Variants in PTBP3 observed in about 807,000 individuals in gnomAD.
The protein encoded by PTBP3 is polypyrimidine tract-binding protein 3.
Under a neutral mutation model 58.7 loss-of-function variants are expected in PTBP3, and 20 were observed. That is an observed-to-expected ratio of 0.34 (90% confidence interval 0.24 to 0.50). The LOEUF (loss-of-function observed/expected upper bound fraction) is 0.50. PTBP3 is among the 20% of genes least tolerant of loss of function. The pLI, the probability that PTBP3 is intolerant of heterozygous loss-of-function variation, is 0.98. For missense variants in PTBP3, 509 were observed against 637.2 expected (o/e 0.80, Z 2.17); for synonymous variants, 185 against 219.8 (o/e 0.84, Z 1.40).
At chr9:112,357,036 C>A in the PTBP3 span, among the ~76,000 whole-genome samples, 105 of 152,100 alleles carry the variant, frequency 6.9e-4, 1 homozygote, top group East Asian at 0.019. Flanking sequence ...CCCGCCACCA[C>A]ACCCGGCTAA....
rs757798073 is a variant in PTBP3, at chr9:112,333,422, G to A, written c.-52+48C>T. ...GCGTCCCGCGGAGAGCCGGGTGGAA[G>A]CGGCGCCAAGGCAACCCGGTGCGGC... On this transcript the variant is annotated intron_variant, in intron 1 of 13. Transcript: ENST00000374257. 4 of 1,559,772 alleles carry A rather than the reference G, an allele frequency of 2.6e-6. No individual in the cohort carries two copies. The South Asian group carries it at 4.6e-5, about 18-fold the overall frequency.
intron 5 of PTBP3, among the ~76,000 whole-genome samples, chr9:112,254,003 T>A (rs10981332): frequency 0.53 from 80,564 of 152,026 alleles, 22,275 homozygotes; most frequent in African/African-American, 0.7. Context: ...TTAAAAAAGT[T>A]AAGTATTCCC....
At position 112,223,941 on chromosome 9, in the gene PTBP3, T is replaced by C. The variant is rs1834888010; in HGVS notation, c.1485A>G (p.Glu495=). ...GCTCAATGAGGGCCTGAATTGCTTC[T>C]TCCACAGATCCCAATTGAATGAGCG... ...KMALIQLGSV[E]EAIQALIELH... is the part of the protein sequence containing the mutation. The change falls in exon 14 of 14, where the codon GAA becomes GAG. Residue 495 remains glutamate (E), a synonymous_variant. Coordinates refer to ENST00000374257, the MANE Select transcript of PTBP3 (RefSeq NM_001163788.4). 1 of 1,613,740 alleles carries C rather than the reference T, an allele frequency of 6.2e-7. No individual in the cohort carries two copies. Among genetic ancestry groups the C allele is most frequent in the Non-Finnish European group, 8.5e-7 (1 of 1,179,812 alleles).
At chr9:112,285,340 C>T (rs576633256) in intron 2 of PTBP3, among the ~76,000 whole-genome samples, 1 of 152,214 alleles carries the variant, frequency 6.6e-6, no homozygotes, top group Non-Finnish European at 1.5e-5. Context: ...GCCTCCCCAG[C>T]CACATGAACT....
chr9:112,273,467 T>C (rs1197068138), intron 3 of PTBP3, among the ~76,000 whole-genome samples: 1 of 152,228 alleles, frequency 6.6e-6, no homozygotes, highest in African/African-American at 2.4e-5. Context: ...GGCATATTTC[T>C]GCAAACTCCT....
At chr9:112,344,147 CT>C in the PTBP3 span, among the ~76,000 whole-genome samples, 1 of 151,768 alleles carries the variant, frequency 6.6e-6, no homozygotes, top group African/African-American at 2.4e-5. Flanking sequence ...TGTTTTGGGC[CT>C]TTTGTTTAAG....
the PTBP3 span, among the ~76,000 whole-genome samples, chr9:112,344,860 A>G: frequency 6.6e-6 from 1 of 152,150 alleles, no homozygotes; most frequent in Non-Finnish European, 1.5e-5. Context: ...CTAGCCAGGC[A>G]CGGTGGCTCA....
chr9:112,235,750 A>C (rs1835415291), intron 7 of PTBP3, among the ~76,000 whole-genome samples: 2 of 152,236 alleles, frequency 1.3e-5, no homozygotes, highest in Non-Finnish European at 2.9e-5. Flanking sequence ...AGCTCCACTT[A>C]AAAAGAGCAC....
At chr9:112,364,135 A>G in the PTBP3 span, among the ~76,000 whole-genome samples, 5 of 136,838 alleles carry the variant, frequency 3.7e-5, no homozygotes, top group Non-Finnish European at 7.7e-5. Context: ...AGTAATATGC[A>G]TTTAACTTTC....
Position 112,259,784 on chromosome 9 carries a change from C to T in PTBP3, c.516+2651G>A, listed in dbSNP as rs536092930. Among the ~76,000 whole-genome samples, 318 of 152,336 alleles carry T rather than the reference C, an allele frequency of 2.1e-3. 1 individual carries two copies. Among genetic ancestry groups the T allele is most frequent in the African/African-American group, 7.4e-3 (309 of 41,580 alleles). Reference sequence around the variant, plus strand: ...TAGTTATAACAGGTACAACCAACTCCATACTTCTGTATATTCCCCTACCAT... The same window carrying T: ...TAGTTATAACAGGTACAACCAACTCTATACTTCTGTATATTCCCCTACCAT... On this transcript the variant is annotated intron_variant, in intron 5 of 13. Transcript: ENST00000374257.
intron 8 of PTBP3, among the ~76,000 whole-genome samples, chr9:112,233,522 A>T (rs1835327856): frequency 6.6e-6 from 1 of 152,154 alleles, no homozygotes; most frequent in Non-Finnish European, 1.5e-5. Flanking sequence ...AATAGGTAGA[A>T]TATTCACTTA....
intron 2 of PTBP3, among the ~76,000 whole-genome samples, chr9:112,297,184 T>C (rs1828724253): frequency 6.6e-6 from 1 of 152,154 alleles, no homozygotes; most frequent in Non-Finnish European, 1.5e-5. Flanking sequence ...AATACTTCTA[T>C]TCAAGTCCAT....
chr9:112,348,536 T>C, the PTBP3 span, among the ~76,000 whole-genome samples: 13 of 152,356 alleles, frequency 8.5e-5, no homozygotes, highest in South Asian at 2.7e-3. Flanking sequence ...CTCCCAAGTG[T>C]TAGCAAGCCA....
At chr9:112,237,704 A>C (rs1345160993) in intron 7 of PTBP3, among the ~76,000 whole-genome samples, 1 of 152,200 alleles carries the variant, frequency 6.6e-6, no homozygotes, top group African/African-American at 2.4e-5. Context: ...GCAGGCCAGA[A>C]GCAAATCCCA....
the PTBP3 span, among the ~76,000 whole-genome samples, chr9:112,346,168 T>G: frequency 6.6e-6 from 1 of 150,878 alleles, no homozygotes; most frequent in Non-Finnish European, 1.5e-5. Context: ...TTCTTTTTTC[T>G]TTTTTTTCCT....
intron 1 of PTBP3, among the ~76,000 whole-genome samples, chr9:112,319,357 G>C (rs760136658): frequency 1.3e-5 from 2 of 152,088 alleles, no homozygotes; most frequent in African/African-American, 4.8e-5. Context: ...GGGCAATACA[G>C]AGAAACTGCG....
the PTBP3 span, among the ~76,000 whole-genome samples, chr9:112,368,881 T>C: frequency 3.3e-5 from 5 of 152,318 alleles, no homozygotes; most frequent in African/African-American, 9.6e-5. Flanking sequence ...AAAGAAATGG[T>C]TTCATGGGCC....
chr9:112,363,421 A>G, the PTBP3 span, among the ~76,000 whole-genome samples: 1 of 151,198 alleles, frequency 6.6e-6, no homozygotes, highest in African/African-American at 2.4e-5. Context: ...CGGGAGGCTG[A>G]AGTGGGCCGA....
intron 1 of PTBP3, among the ~76,000 whole-genome samples, chr9:112,319,560 T>C (rs909704602): frequency 3.3e-5 from 5 of 152,126 alleles, no homozygotes; most frequent in African/African-American, 1.2e-4. Context: ...AAAGAAACCC[T>C]TGTACACAGT....
Sources: allele counts gnomAD v4.1 joint callset (sites outside exome capture counted in the v4.1 genomes callset), GRCh38; gene constraint gnomAD v4.1.1; transcripts MANE v1.5; gene names NCBI Gene and HGNC (gene_info 2026-07-23, HGNC 2026-07-21).